The following CSTA variants were observed in gnomAD, a reference collection of about 807,000 sequenced individuals.
CSTA encodes cystatin-A.
A neutral mutation model predicts 9.2 loss-of-function variants in CSTA; 9 were observed. The ratio of observed to expected loss-of-function variants is 0.97; its 90% CI spans 0.59 to 1.70. The LOEUF is 1.70. Ranked by LOEUF, CSTA falls within the 40% of genes most tolerant of loss-of-function variation. The probability of loss-of-function intolerance (pLI) is 0.00; values close to 1 mark genes in which losing one functional copy is unlikely to be tolerated. For missense variants in CSTA, 118 were observed against 113.1 expected (o/e 1.04, Z -0.20); for synonymous variants, 36 against 40.6 (o/e 0.89, Z 0.43).
intron 1 of CSTA, among the ~76,000 whole-genome samples, chr3:122,333,731 AAAG>A (rs768054877): frequency 0.026 from 3,040 of 118,084 alleles, 74 homozygotes; most frequent in Non-Finnish European, 0.033. Context: ...AGAAAGAAAG[AAAG>A]AGAAAGAAAG....
intron 1 of CSTA, among the ~76,000 whole-genome samples, chr3:122,333,540 G>GAAGGAAGAAAGAAAGAAAGAAAGA (rs2075216439): frequency 1.8e-5 from 2 of 112,078 alleles, no homozygotes; most frequent in Non-Finnish European, 3.5e-5. Flanking sequence ...AGAAAAGAAA[G>GAAGGAAGAAAGAAAGAAAGAAAGA]AAGAAAGAAA....
chr3:122,332,184 C>G (rs2075208978), intron 1 of CSTA, among the ~76,000 whole-genome samples: 1 of 152,166 alleles, frequency 6.6e-6, no homozygotes, highest in Non-Finnish European at 1.5e-5. Flanking sequence ...TTGCAGATCT[C>G]TGGTAAGAAA....
intron 2 of CSTA, among the ~76,000 whole-genome samples, chr3:122,339,549 A>T (rs1207537378): frequency 6.6e-6 from 1 of 152,194 alleles, no homozygotes; most frequent in African/African-American, 2.4e-5. Context: ...GCACAAAATA[A>T]GAGCTTTTAC....
At chr3:122,328,042 A>G (rs1391715685) in intron 1 of CSTA, among the ~76,000 whole-genome samples, 1 of 152,180 alleles carries the variant, frequency 6.6e-6, no homozygotes, top group Non-Finnish European at 1.5e-5. Context: ...AGAATGAGAG[A>G]TAAGTATTAA....
intron 1 of CSTA, among the ~76,000 whole-genome samples, chr3:122,335,123 G>A (rs1398161034): frequency 6.6e-6 from 1 of 152,164 alleles, no homozygotes; most frequent in African/African-American, 2.4e-5. Context: ...AAGTTGATGG[G>A]CTCAGTAAAA....
intron 1 of CSTA, among the ~76,000 whole-genome samples, chr3:122,333,540 G>GAAGAAAGAAAGAAAGAAAGAAAGAAGA (rs2075216570): frequency 1.8e-5 from 2 of 112,078 alleles, no homozygotes; most frequent in African/African-American, 6.7e-5. Context: ...AGAAAAGAAA[G>GAAGAAAGAAAGAAAGAAAGAAAGAAGA]AAGAAAGAAA....
chr3:122,328,087 GT>G (rs895836381), intron 1 of CSTA, among the ~76,000 whole-genome samples: 5 of 152,324 alleles, frequency 3.3e-5, no homozygotes, highest in Admixed American at 1.3e-4. Flanking sequence ...GGGTTTTGCA[GT>G]TTTTAAAAGC....
rs201876736 is a variant in CSTA, at chr3:122,328,978, T to TG, written c.66+3620_66+3621insG. 6.6e-5 allele frequency among the ~76,000 whole-genome samples: 10 copies of TG among 151,104 alleles called. 1 individual carries two copies. In the East Asian group the frequency reaches 2.0e-3, roughly 30 times the overall value. ...AAAATTAAAAATTTAAAATTTAATT[T>TG]TTTTTTTGACGGAATCTCGCTCTGT... On this transcript the variant is annotated intron_variant, in intron 1 of 2. Coordinates refer to ENST00000264474, the MANE Select transcript of CSTA (RefSeq NM_005213.4).
intron 1 of CSTA, among the ~76,000 whole-genome samples, chr3:122,334,669 G>C (rs2107667396): frequency 6.6e-6 from 1 of 152,160 alleles, no homozygotes; most frequent in African/African-American, 2.4e-5. Flanking sequence ...TCCTCCAAAA[G>C]ACAGAAAAGA....
chr3:122,335,958 T>TACACACACACACACAC (rs55707796), intron 1 of CSTA, among the ~76,000 whole-genome samples: 2 of 147,662 alleles, frequency 1.4e-5, no homozygotes, highest in South Asian at 2.2e-4. Flanking sequence ...ATCAGAGGAA[T>TACACACACACACACAC]ACACACACAC....
chr3:122,337,817 C>T (rs2107668352), intron 2 of CSTA, 169 bp downstream of exon 2: 1 of 655,538 alleles, frequency 1.5e-6, no homozygotes. Context: ...GATGATGTGA[C>T]ACCATTTTTT....
intron 1 of CSTA, among the ~76,000 whole-genome samples, chr3:122,328,106 C>T (rs183664060): frequency 2.6e-5 from 4 of 152,316 alleles, no homozygotes; most frequent in Admixed American, 2.6e-4. Context: ...AGCTTGACCT[C>T]CATTCGAGCT....
At chr3:122,332,072 A>G (rs568225282) in intron 1 of CSTA, among the ~76,000 whole-genome samples, 1 of 152,332 alleles carries the variant, frequency 6.6e-6, no homozygotes, top group South Asian at 2.1e-4. Flanking sequence ...CATAATGCTC[A>G]CTGGCCCACT....
intron 1 of CSTA, among the ~76,000 whole-genome samples, chr3:122,333,362 T>G (rs542098155): frequency 6.6e-6 from 1 of 152,018 alleles, no homozygotes; most frequent in Non-Finnish European, 1.5e-5. Context: ...ATATAAAAAA[T>G]TAGCTGGGAG....
At chr3:122,325,448 C>G in intron 1 of CSTA, 90 bp downstream of exon 1, 1 of 1,285,260 alleles carries the variant, frequency 7.8e-7, no homozygotes, top group Admixed American at 1.7e-5. Context: ...ACATGAAAAC[C>G]AGAAGTTTAG....
chr3:122,333,160 T>C (rs1244252826), intron 1 of CSTA, among the ~76,000 whole-genome samples: 1 of 152,152 alleles, frequency 6.6e-6, no homozygotes, highest in African/African-American at 2.4e-5. Flanking sequence ...CATTTGTGGA[T>C]TACACAGATA....
intron 1 of CSTA, among the ~76,000 whole-genome samples, chr3:122,335,613 A>ATTATTTAT (rs147927095): frequency 0.02 from 3,055 of 150,690 alleles, 42 homozygotes; most frequent in Non-Finnish European, 0.024. Context: ...GATTTATTTT[A>ATTATTTAT]TTATTTATTT....
In CSTA at chr3:122,341,610, G is replaced by T. The variant is rs114476290; in HGVS notation, c.*43G>T. The T allele has an allele frequency of 1.2e-4, 188 of 1,612,036 alleles. 1 individual carries two copies. In the East Asian group the frequency reaches 4.1e-3, roughly 35 times the overall value. On this transcript the variant is annotated 3_prime_UTR_variant, in exon 3 of 3. Coordinates refer to ENST00000264474, the MANE Select transcript of CSTA (RefSeq NM_005213.4). Reference sequence around the variant, plus strand: ...GTTCTGATTCCTTCAACTGGCTACTGAGTCATGATCCTTGCTGATAAATAT... The same window carrying T: ...GTTCTGATTCCTTCAACTGGCTACTTAGTCATGATCCTTGCTGATAAATAT...
chr3:122,332,834 C>T (rs377736582), intron 1 of CSTA, among the ~76,000 whole-genome samples: 4 of 152,306 alleles, frequency 2.6e-5, no homozygotes, highest in East Asian at 3.9e-4. Flanking sequence ...CTCCCACCAC[C>T]GTTCCCAGCT....
Sources: allele counts gnomAD v4.1 joint callset (sites outside exome capture counted in the v4.1 genomes callset), GRCh38; gene constraint gnomAD v4.1.1; transcripts MANE v1.5; gene names NCBI Gene and HGNC (gene_info 2026-07-23, HGNC 2026-07-21).